Variants in SNX13 observed in about 807,000 individuals in gnomAD.
SNX13 encodes the protein sorting nexin 13, also known as sorting nexin-13.
A neutral mutation model predicts 133.6 loss-of-function variants in SNX13; 45 were observed. The observed-to-expected ratio is 0.34, with a 90% confidence interval of 0.27 to 0.43. The LOEUF (loss-of-function observed/expected upper bound fraction) is 0.43. Ranked by LOEUF, SNX13 falls within the 20% of genes least tolerant of loss-of-function variation. The pLI is 1.00. For missense variants in SNX13, 1,032 were observed against 1,145.1 expected (o/e 0.90, Z 1.43); for synonymous variants, 414 against 373.9 (o/e 1.11, Z -1.24).
At chr7:17,901,455 T>A (rs1583693010) in intron 1 of SNX13, among the ~76,000 whole-genome samples, 1 of 152,062 alleles carries the variant, frequency 6.6e-6, no homozygotes, top group African/African-American at 2.4e-5. Context: ...TAGCCAGCAG[T>A]GGCAAGGGTT....
chr7:17,868,333 C>A (rs1216264353), intron 9 of SNX13, 74 bp downstream of exon 9: 1 of 1,020,304 alleles, frequency 9.8e-7, no homozygotes, highest in South Asian at 1.5e-5. Context: ...GCTTAAACAC[C>A]CTATCTCCCA....
intron 24 of SNX13, among the ~76,000 whole-genome samples, chr7:17,797,219 TG>T (rs959207010): frequency 1.8e-3 from 279 of 151,956 alleles, no homozygotes; most frequent in African/African-American, 6.3e-3. Flanking sequence ...AATATGTACA[TG>T]ACTATATCAC....
intron 1 of SNX13, chr7:17,897,984 A>C (rs1381303030): frequency 6.6e-6 from 1 of 152,056 alleles, no homozygotes; most frequent in Non-Finnish European, 1.5e-5. Context: ...TACGTATAGA[A>C]ACTCATACAA....
intron 20 of SNX13, among the ~76,000 whole-genome samples, chr7:17,811,160 G>A (rs960971454): frequency 2.0e-4 from 30 of 152,028 alleles, no homozygotes; most frequent in African/African-American, 6.8e-4. Flanking sequence ...TGGACAATCG[G>A]GCAAGAGAAA....
chr7:17,849,507 G>A (rs1235632681), intron 11 of SNX13, among the ~76,000 whole-genome samples: 1 of 152,054 alleles, frequency 6.6e-6, no homozygotes, highest in Non-Finnish European at 1.5e-5. Flanking sequence ...CTTTTAGCTT[G>A]TAAGTCAGGT....
chr7:17,878,064 A>C (rs1344513754), intron 5 of SNX13, among the ~76,000 whole-genome samples: 1 of 152,130 alleles, frequency 6.6e-6, no homozygotes, highest in East Asian at 1.9e-4. Context: ...AATATGTAAT[A>C]AATGCAATGT....
intron 20 of SNX13, among the ~76,000 whole-genome samples, chr7:17,804,155 CCTT>C (rs879775493): frequency 1.3e-5 from 2 of 152,122 alleles, no homozygotes; most frequent in East Asian, 3.9e-4. Context: ...GCTTTGGCTG[CCTT>C]CTTATTAAAG....
intron 8 of SNX13, among the ~76,000 whole-genome samples, chr7:17,869,765 C>T (rs988804636): frequency 3.9e-5 from 6 of 152,092 alleles, no homozygotes; most frequent in African/African-American, 1.4e-4. Flanking sequence ...TAGTCTCCTA[C>T]TTCTTCAAAA....
At chr7:17,850,474 T>G in intron 10 of SNX13, 39 bp from the exon 11 acceptor site, 1 of 1,266,242 alleles carries the variant, frequency 7.9e-7, no homozygotes, top group East Asian at 2.6e-5. Context: ...AGTGGTAGTG[T>G]TATTTATGAA....
intron 1 of SNX13, among the ~76,000 whole-genome samples, chr7:17,907,837 G>A (rs146431677): frequency 1.3e-5 from 2 of 152,244 alleles, no homozygotes; most frequent in African/African-American, 2.4e-5. Flanking sequence ...AAGAAAGCTT[G>A]CAATTCCCAG....
rs1353594349 is a variant in SNX13, at chr7:17,792,750, G to C, written c.*1295C>G. 2 of 152,304 alleles carry C rather than the reference G, an allele frequency of 1.3e-5. No homozygotes were observed. Among genetic ancestry groups the C allele is most frequent in the Non-Finnish European group, 2.9e-5 (2 of 67,864 alleles). The allele number at this position is 152,304 out of a possible 1,614,324, so 9.4% of individuals were successfully genotyped here. A position where few individuals can be genotyped will look rare whatever the true frequency, so the allele number is the denominator to read the frequency against. ...AGGCAATGAAAGTATTTAAAACTAT[G>C]CAGAAATCCTGCATAGAAGGGATGT... On this transcript the variant is annotated 3_prime_UTR_variant, in exon 26 of 26. Transcript: ENST00000428135.
intron 16 of SNX13, among the ~76,000 whole-genome samples, chr7:17,828,884 G>A (rs1788186005): frequency 6.6e-6 from 1 of 151,408 alleles, no homozygotes; most frequent in Admixed American, 6.6e-5. Context: ...AACCAAGGAA[G>A]GGTTTCATCA....
intron 24 of SNX13, among the ~76,000 whole-genome samples, chr7:17,797,979 C>A (rs1428502661): frequency 6.6e-6 from 1 of 151,838 alleles, no homozygotes; most frequent in Non-Finnish European, 1.5e-5. Flanking sequence ...AGAAAGCATA[C>A]ATAAAGTACT....
At chr7:17,875,851 C>A in intron 5 of SNX13, 61 bp from the exon 6 acceptor site, 1 of 1,334,294 alleles carries the variant, frequency 7.5e-7, no homozygotes, top group South Asian at 1.5e-5. Flanking sequence ...AATATAAATT[C>A]ATTTTAATGA....
At chr7:17,935,644 T>A (rs1801932509) in intron 1 of SNX13, among the ~76,000 whole-genome samples, 2 of 152,208 alleles carry the variant, frequency 1.3e-5, no homozygotes, top group Admixed American at 1.3e-4. Flanking sequence ...AAAAAATTCT[T>A]TAAGAATGTT....
Position 17,793,814 on chromosome 7 carries a change from C to T in SNX13, c.*231G>A. The stretch of plus-strand genomic sequence containing the variant: ...TTGCTTGAGATGGGGGCAGTTTTCT[C>T]TCAATGTTGCAAAATATGCACCAAA... On this transcript the variant is annotated 3_prime_UTR_variant, in exon 26 of 26. Transcript: ENST00000428135. 1 of 414,194 alleles carries T rather than the reference C, an allele frequency of 2.4e-6. No homozygotes were observed. The highest frequency in any genetic ancestry group is 4.8e-5 in the South Asian group (1 of 20,992). The allele number at this position is 414,194 out of a possible 1,614,324, so 25.7% of individuals were successfully genotyped here. A position where few individuals can be genotyped will look rare whatever the true frequency, so the allele number is the denominator to read the frequency against.
At chr7:17,938,319 A>G (rs1322707084) in intron 1 of SNX13, among the ~76,000 whole-genome samples, 1 of 152,230 alleles carries the variant, frequency 6.6e-6, no homozygotes, top group Non-Finnish European at 1.5e-5. Flanking sequence ...AAACGGTCAG[A>G]GCTCTCTACT....
At chr7:17,830,826 G>A (rs940552769) in intron 15 of SNX13, 3 of 983,764 alleles carry the variant, frequency 3.0e-6, no homozygotes, top group African/African-American at 3.5e-5. Context: ...ATATGGTTTC[G>A]AGCACTTAAG....
At chr7:17,828,853 T>C (rs894404163) in intron 16 of SNX13, among the ~76,000 whole-genome samples, 1 of 151,526 alleles carries the variant, frequency 6.6e-6, no homozygotes, top group Non-Finnish European at 1.5e-5. Flanking sequence ...GTACTACAAA[T>C]GTGAATACTA....
Sources: allele counts gnomAD v4.1 joint callset (sites outside exome capture counted in the v4.1 genomes callset), GRCh38; gene constraint gnomAD v4.1.1; transcripts MANE v1.5; gene names NCBI Gene and HGNC (gene_info 2026-07-23, HGNC 2026-07-21).